C16orf46: variants seen among roughly 807,000 people sequenced by gnomAD.
C16orf46 encodes the protein chromosome 16 open reading frame 46.
Under a neutral mutation model 5.5 loss-of-function variants are expected in C16orf46, and 7 were observed. The observed-to-expected ratio is 1.28, with a 90% CI of 0.73 to 2.40. The LOEUF is 2.40. Among genes scored for constraint, C16orf46 ranks in the 30% most tolerant of loss-of-function variants. The pLI, the probability that C16orf46 is intolerant of heterozygous loss-of-function variation, is 0.00. For synonymous variants in C16orf46, 200 were observed against 184.1 expected, an observed-to-expected ratio of 1.09 and a Z score of -0.70; for missense variants, 614 against 476.0, an observed-to-expected ratio of 1.29 and a Z score of -2.70.
intron 3 of C16orf46, among the ~76,000 whole-genome samples, chr16:81,054,343 A>G (rs1403887063): frequency 6.6e-6 from 1 of 152,052 alleles, no homozygotes; most frequent in East Asian, 1.9e-4. Context: ...ACCGAAATTA[A>G]GATTTTAATT....
downstream of C16orf46, chr16:81,060,812 G>T: frequency 3.8e-6 from 1 of 264,798 alleles, no homozygotes; most frequent in Non-Finnish European, 6.7e-6. Flanking sequence ...TGGAGGGAAG[G>T]AGGCCCTTTG....
rs184045841 is a variant in C16orf46, at chr16:81,061,361, G to A, written c.988C>T (p.Arg330Trp). The change falls in exon 4 of 4, where the codon CGG becomes TGG. Residue 330 changes from arginine to tryptophan, a missense_variant. By Grantham distance (101) the Arg-to-Trp change is moderately radical. Coordinates refer to ENST00000299578, the MANE Select transcript of C16orf46 (RefSeq NM_152337.3). ...TTGGATTTGTAGCTTTGCACTCCCC[G>A]TTTCTGCAGAAGCTGCAAGGCAGCA... Reference protein sequence around the residue: ...YLAALQLLQKRGVQSYKSKFK... With the variant: ...YLAALQLLQKWGVQSYKSKFK... 79 of 1,614,164 alleles carry A rather than the reference G, an allele frequency of 4.9e-5. 1 individual carries two copies. In the Admixed American group the frequency reaches 8.3e-4, roughly 17 times the overall value.
rs915779342 is a variant in C16orf46 at position 81,053,934 on chromosome 16, T to C, written c.*137A>G. On this transcript the variant is annotated 3_prime_UTR_variant, in exon 4 of 4. Coordinates refer to the C16orf46 transcript ENST00000378611. ...TGCTCCAAACGTGGCGTCTTCTTACTGCTTCTGCTTGCAGCGTTTGACTCT... is the reference window on the plus strand; with the variant it reads ...TGCTCCAAACGTGGCGTCTTCTTACCGCTTCTGCTTGCAGCGTTTGACTCT... The C allele has an allele frequency of 1.3e-5, 11 of 877,802 alleles. No homozygotes were observed. The African/African-American group carries it at 1.5e-4, about 12-fold the overall frequency. 54.4% of individuals were successfully genotyped at this position (877,802 alleles called of 1,614,324 possible).
intron 1 of C16orf46, among the ~76,000 whole-genome samples, chr16:81,073,241 G>A (rs918167404): frequency 6.6e-6 from 1 of 152,148 alleles, no homozygotes; most frequent in Non-Finnish European, 1.5e-5. Context: ...CATAAATTCA[G>A]GCTAAAAAGT....
chr16:81,061,464 C>A lies in C16orf46; in HGVS notation c.885G>T (p.Glu295Asp), dbSNP rs749304514. ...GGAGGGACCAATGCAGGCAGCGCTGCTCCGGATCGGTCAGCAGGGATATCT... is the reference window on the plus strand; with the variant it reads ...GGAGGGACCAATGCAGGCAGCGCTGATCCGGATCGGTCAGCAGGGATATCT... ...AAQISLLTDP[E>D]QRCLHWSLLS... The change falls in exon 4 of 4, where the codon GAG becomes GAT. Residue 295 changes from glutamate (E) to aspartate (D), a missense_variant. Coordinates refer to ENST00000299578, the MANE Select transcript of C16orf46 (RefSeq NM_152337.3). 1 of 1,614,158 alleles carries A rather than the reference C, an allele frequency of 6.2e-7. No homozygotes were observed. Among genetic ancestry groups the A allele is most frequent in the South Asian group, 1.1e-5 (1 of 91,086 alleles).
rs1971447554 is a variant in C16orf46, at chr16:81,061,079, G to A, written c.*82C>T. ...AGGAGAGAAAGAGAGAGTGGGGGGT[G>A]GGTGGGAAATGAGAGAGAAGAAAGA... On this transcript the variant is annotated 3_prime_UTR_variant, in exon 4 of 4. Transcript: ENST00000299578. 27 of 1,476,972 alleles carry A rather than the reference G, an allele frequency of 1.8e-5. No homozygotes were observed. Among genetic ancestry groups the A allele is most frequent in the Non-Finnish European group, 2.2e-5 (24 of 1,107,110 alleles). 91.5% of individuals were successfully genotyped at this position (1,476,972 alleles called of 1,614,324 possible).
chr16:81,064,701 C>G (rs1349667200), intron 2 of C16orf46, among the ~76,000 whole-genome samples: 4 of 149,270 alleles, frequency 2.7e-5, no homozygotes, highest in Non-Finnish European at 4.4e-5. Context: ...GAGCCAAGAT[C>G]ACGCTATTGC....
chr16:81,057,010 T>A (rs28469459), downstream of C16orf46, among the ~76,000 whole-genome samples: 11,359 of 152,150 alleles, frequency 0.075, 1,373 homozygotes, highest in African/African-American at 0.25. Context: ...AAAGTCTGGA[T>A]ACATTTTTCG....
chr16:81,061,491 G>C lies in C16orf46; in HGVS notation c.858C>G (p.Ala286=). ...NDTPSSPSPA[A]QISLLTDPEQ... ...CCGGATCGGTCAGCAGGGATATCTG[G>C]GCCGCTGGGGAAGGGGAGGATGGCG... Residue 286 remains alanine, a synonymous_variant, in exon 4 of 4, where the codon GCC becomes GCG. Transcript: ENST00000299578. The C allele has an allele frequency of 6.2e-7, 1 of 1,614,158 alleles. No individual in the cohort carries two copies. The highest frequency in any genetic ancestry group is 1.1e-5 in the South Asian group (1 of 91,084).
chr16:81,066,305 G>A (rs1206157090), intron 1 of C16orf46, 24 bp from the exon 2 acceptor site: 1 of 152,048 alleles, frequency 6.6e-6, no homozygotes, highest in Non-Finnish European at 1.5e-5. Context: ...AATTCAGTTA[G>A]TGGATAGGAA....
chr16:81,057,082 T>C (rs1971319417), downstream of C16orf46, among the ~76,000 whole-genome samples: 1 of 151,922 alleles, frequency 6.6e-6, no homozygotes, highest in Admixed American at 6.6e-5. Context: ...CTGCTACACA[T>C]CCCACAATGC....
chr16:81,067,250 G>A (rs1971680810), intron 1 of C16orf46, among the ~76,000 whole-genome samples: 1 of 152,096 alleles, frequency 6.6e-6, no homozygotes, highest in South Asian at 2.1e-4. Context: ...AATGTAAAGT[G>A]GTTTATTTTC....
Position 81,063,446 on chromosome 16 carries a change from G to A in C16orf46, c.210+300C>T, listed in dbSNP as rs150020130. ...GTAACTTTATCTTCCAAGTGACTCA[G>A]TATACTCATCCACAAAGCGAGGCTG... On this transcript the variant is annotated intron_variant, in intron 3 of 3. Transcript: ENST00000299578. 2.8e-3 allele frequency among the ~76,000 whole-genome samples: 423 copies of A among 152,144 alleles called. 3 individuals carry two copies. The highest frequency in any genetic ancestry group is 9.8e-3 in the African/African-American group (406 of 41,510).
intron 1 of C16orf46, among the ~76,000 whole-genome samples, chr16:81,072,915 C>A (rs920199088): frequency 6.6e-6 from 1 of 152,070 alleles, no homozygotes; most frequent in African/African-American, 2.4e-5. Context: ...GTTGGCCAGG[C>A]TGGTCTCCAA....
At chr16:81,054,860 C>T (rs10400998) in intron 3 of C16orf46, among the ~76,000 whole-genome samples, 11,320 of 152,082 alleles carry the variant, frequency 0.074, 1,363 homozygotes, top group African/African-American at 0.25. Context: ...GTTGGCCAGG[C>T]TGGTCTCGAA....
At chr16:81,071,317 A>G (rs1342482905) in intron 1 of C16orf46, among the ~76,000 whole-genome samples, 1 of 152,124 alleles carries the variant, frequency 6.6e-6, no homozygotes, top group Non-Finnish European at 1.5e-5. Context: ...AGAGCGACCA[A>G]CTATCTGTGA....
chr16:81,056,516 T>G (rs1435924349), downstream of C16orf46: 1 of 151,910 alleles, frequency 6.6e-6, no homozygotes, highest in Non-Finnish European at 1.5e-5. Context: ...GCCAACCTGG[T>G]GAAACCCCAT....
chr16:81,075,715 C>T (rs762726303), intron 1 of C16orf46, among the ~76,000 whole-genome samples: 6 of 152,126 alleles, frequency 3.9e-5, no homozygotes, highest in Non-Finnish European at 8.8e-5. Flanking sequence ...ATTATGTCTG[C>T]CAGAAAATAG....
chr16:81,074,139 C>T (rs979009864), intron 1 of C16orf46, among the ~76,000 whole-genome samples: 2 of 152,156 alleles, frequency 1.3e-5, no homozygotes, highest in Non-Finnish European at 2.9e-5. Context: ...GTATTCTTCT[C>T]AAATGCAAAT....
Sources: allele counts gnomAD v4.1 joint callset (sites outside exome capture counted in the v4.1 genomes callset), GRCh38; gene constraint gnomAD v4.1.1; transcripts MANE v1.5; gene names NCBI Gene and HGNC (gene_info 2026-07-23, HGNC 2026-07-21).